Variants in PTPRD observed in about 807,000 individuals in gnomAD.
PTPRD encodes the protein protein tyrosine phosphatase receptor type D, also known as receptor-type tyrosine-protein phosphatase delta.
PTPRD carries 34 observed loss-of-function variants against 214.5 expected under a neutral mutation model. The observed-to-expected ratio is 0.16, with a 90% CI of 0.12 to 0.21. The LOEUF (loss-of-function observed/expected upper bound fraction) is 0.21, where lower values mean the gene tolerates loss of function less well. PTPRD is among the 10% of genes least tolerant of loss of function. The probability of loss-of-function intolerance (pLI) is 1.00; values close to 1 mark genes in which losing one functional copy is unlikely to be tolerated. For synonymous variants in PTPRD, 1,128 were observed against 845.7 expected, an observed-to-expected ratio of 1.33 and a Z score of -5.79; for missense variants, 2,545 against 2,398.7, an observed-to-expected ratio of 1.06 and a Z score of -1.27.
At chr9:9,838,786 C>A (rs1486558595) in intron 5 of PTPRD, among the ~76,000 whole-genome samples, 1 of 152,118 alleles carries the variant, frequency 6.6e-6, no homozygotes, top group Admixed American at 6.6e-5. Flanking sequence ...TCCCATTTAT[C>A]AATTTTGGCT....
At position 9,004,339 on chromosome 9, in the gene PTPRD, T is replaced by A. The variant is rs57921606; in HGVS notation, c.-104+14358A>T. ...CAAATTATCATATAAAATATAAACCTCATACCCTTATTCTCTTCCTACATT... is the reference window on the plus strand; with the variant it reads ...CAAATTATCATATAAAATATAAACCACATACCCTTATTCTCTTCCTACATT... On this transcript the variant is annotated intron_variant, in intron 11 of 45. Transcript: ENST00000381196. Among the ~76,000 whole-genome samples the A allele has an allele frequency of 6.6e-5, 10 of 152,060 alleles. No homozygotes were observed. The South Asian group carries it at 1.2e-3, about 19-fold the overall frequency.
chr9:9,305,368 A>G (rs1956805784), intron 9 of PTPRD, among the ~76,000 whole-genome samples: 2 of 152,104 alleles, frequency 1.3e-5, no homozygotes, highest in Admixed American at 1.3e-4. Flanking sequence ...CAATCAAATA[A>G]ACATTTATTT....
chr9:9,744,963 A>G (rs926481844), intron 6 of PTPRD, among the ~76,000 whole-genome samples: 10 of 152,052 alleles, frequency 6.6e-5, no homozygotes, highest in Admixed American at 1.3e-4. Context: ...AATAGAAAGC[A>G]TTTTCTTGAA....
At chr9:8,782,768 A>C (rs113130111) in intron 11 of PTPRD, among the ~76,000 whole-genome samples, 1 of 151,662 alleles carries the variant, frequency 6.6e-6, no homozygotes, top group Non-Finnish European at 1.5e-5. Context: ...ACTAATTTTT[A>C]TATTTTTAGT....
At chr9:10,161,593 A>G (rs766695208) in intron 3 of PTPRD, among the ~76,000 whole-genome samples, 5 of 151,812 alleles carry the variant, frequency 3.3e-5, no homozygotes, top group African/African-American at 7.2e-5. Flanking sequence ...CCCTGAAACT[A>G]TTATAAGAAA....
intron 3 of PTPRD, among the ~76,000 whole-genome samples, chr9:10,169,460 C>T (rs1284228490): frequency 9.2e-6 from 1 of 108,256 alleles, no homozygotes; most frequent in Middle Eastern, 6.5e-3. Context: ...GGCGAAAGAG[C>T]GAGACTCTGT....
At chr9:10,446,627 GC>G (rs976892358) in intron 2 of PTPRD, among the ~76,000 whole-genome samples, 1 of 151,944 alleles carries the variant, frequency 6.6e-6, no homozygotes, top group African/African-American at 2.4e-5. Flanking sequence ...ATGTAAGTGT[GC>G]CTAAGTGAAG....
chr9:8,529,839 G>T (rs183921964), intron 14 of PTPRD, among the ~76,000 whole-genome samples: 1 of 152,106 alleles, frequency 6.6e-6, no homozygotes, highest in Non-Finnish European at 1.5e-5. Context: ...TATGCACAAC[G>T]TGCAGGTTTG....
chr9:8,701,975 T>C (rs6477323), intron 12 of PTPRD, among the ~76,000 whole-genome samples: 95,401 of 152,048 alleles, frequency 0.63, 30,414 homozygotes, highest in Admixed American at 0.68. Context: ...GGTTTATTTA[T>C]ACTGTTTAAG....
intron 3 of PTPRD, among the ~76,000 whole-genome samples, chr9:10,293,868 A>G (rs1310919208): frequency 6.6e-6 from 1 of 151,926 alleles, no homozygotes; most frequent in African/African-American, 2.4e-5. Flanking sequence ...ATTTGTTGAA[A>G]TGTTCTTAAG....
At chr9:8,929,656 T>G (rs1366610889) in intron 11 of PTPRD, among the ~76,000 whole-genome samples, 3 of 150,388 alleles carry the variant, frequency 2.0e-5, no homozygotes, top group Non-Finnish European at 3.0e-5. Context: ...TTTTCTTTTT[T>G]TGTGTGTCTC....
intron 11 of PTPRD, among the ~76,000 whole-genome samples, chr9:8,878,259 G>T (rs77569740): frequency 6.6e-6 from 1 of 152,124 alleles, no homozygotes; most frequent in South Asian, 2.1e-4. Context: ...ATGTCCTTCT[G>T]TGTAATTCTT....
At chr9:9,712,102 A>T (rs1392290443) in intron 7 of PTPRD, among the ~76,000 whole-genome samples, 1 of 152,196 alleles carries the variant, frequency 6.6e-6, no homozygotes, top group East Asian at 1.9e-4. Context: ...TGCGGAATTT[A>T]ATTTTGAGTT....
intron 9 of PTPRD, among the ~76,000 whole-genome samples, chr9:9,220,042 A>C (rs2099954795): frequency 6.6e-6 from 1 of 152,130 alleles, no homozygotes; most frequent in Non-Finnish European, 1.5e-5. Context: ...TTAGAACTTG[A>C]AGGACTTAAC....
At chr9:8,433,203 C>T (rs1487461657) in intron 35 of PTPRD, among the ~76,000 whole-genome samples, 3 of 152,094 alleles carry the variant, frequency 2.0e-5, no homozygotes, top group South Asian at 2.1e-4. Context: ...TGGTAGCTGT[C>T]GTAACGTCCT....
At chr9:9,947,436 T>A (rs13283783) in intron 4 of PTPRD, among the ~76,000 whole-genome samples, 40 of 28,444 alleles carry the variant, frequency 1.4e-3, no homozygotes, top group African/African-American at 3.0e-3. Flanking sequence ...TATATATATA[T>A]TATATATTTT....
At chr9:9,130,680 T>C (rs1259019655) in intron 10 of PTPRD, among the ~76,000 whole-genome samples, 2 of 152,192 alleles carry the variant, frequency 1.3e-5, no homozygotes, top group East Asian at 3.8e-4. Flanking sequence ...TAATATTATT[T>C]GGTTCCTACT....
chr9:8,627,442 T>C (rs2096078186), intron 14 of PTPRD, among the ~76,000 whole-genome samples: 1 of 151,886 alleles, frequency 6.6e-6, no homozygotes, highest in Admixed American at 6.6e-5. Context: ...TCAACATTTC[T>C]ATGGTTCGGT....
At chr9:9,211,109 G>T (rs140050068) in intron 9 of PTPRD, among the ~76,000 whole-genome samples, 17 of 151,936 alleles carry the variant, frequency 1.1e-4, no homozygotes, top group African/African-American at 3.6e-4. Context: ...GTTTGTGTTG[G>T]AGTACATTCT....
Sources: gnomAD v4.1 joint callset for allele counts (sites outside exome capture counted in the v4.1 genomes callset) on GRCh38, gnomAD v4.1.1 for gene constraint, MANE v1.5 for transcripts, NCBI Gene and HGNC (gene_info 2026-07-23, HGNC 2026-07-21) for gene names.